DNAJC11: variants seen among roughly 807,000 people sequenced by gnomAD.
DNAJC11 encodes the protein DnaJ heat shock protein family (Hsp40) member C11.
A neutral mutation model predicts 78.6 loss-of-function variants in DNAJC11; 15 were observed. That is an observed-to-expected ratio of 0.19 (90% CI 0.13 to 0.29). The LOEUF (loss-of-function observed/expected upper bound fraction) is 0.29. Among genes scored for constraint, DNAJC11 ranks in the 10% least tolerant of loss-of-function variants. DNAJC11 has a pLI of 1.00. For synonymous variants in DNAJC11, 292 were observed against 272.1 expected, an observed-to-expected ratio of 1.07 and a Z score of -0.72; for missense variants, 547 against 709.6, an observed-to-expected ratio of 0.77 and a Z score of 2.60.
intron 1 of DNAJC11, among the ~76,000 whole-genome samples, chr1:6,683,695 C>G (rs1642589787): frequency 6.6e-6 from 1 of 152,214 alleles, no homozygotes; most frequent in South Asian, 2.1e-4. Context: ...TGGAACAATT[C>G]AGAGGGCACC....
At chr1:6,669,342 T>C (rs1642340799) in intron 3 of DNAJC11, among the ~76,000 whole-genome samples, 1 of 149,674 alleles carries the variant, frequency 6.7e-6, no homozygotes, top group African/African-American at 2.5e-5. Context: ...AAACCCTGTC[T>C]CTACTAAAAA....
At chr1:6,695,761 T>C (rs965749879) in intron 1 of DNAJC11, among the ~76,000 whole-genome samples, 45 of 151,096 alleles carry the variant, frequency 3.0e-4, no homozygotes, top group African/African-American at 1.0e-3. Context: ...TGAGCTGAGA[T>C]TGCGCCATTG....
chr1:6,679,706 C>G (rs1642525939), intron 2 of DNAJC11, among the ~76,000 whole-genome samples: 1 of 152,210 alleles, frequency 6.6e-6, no homozygotes. Flanking sequence ...ACCTGAGTCT[C>G]CCTTTAAGCT....
At chr1:6,669,352 AT>A (rs1196068994) in intron 3 of DNAJC11, among the ~76,000 whole-genome samples, 1 of 151,050 alleles carries the variant, frequency 6.6e-6, no homozygotes, top group Non-Finnish European at 1.5e-5. Context: ...TCTACTAAAA[AT>A]ACAAAACATT....
chr1:6,649,079 A>G (rs1642012529), intron 7 of DNAJC11, among the ~76,000 whole-genome samples: 2 of 151,464 alleles, frequency 1.3e-5, no homozygotes, highest in South Asian at 4.2e-4. Context: ...TGCAGCCTCA[A>G]CCTCCCGGGT....
intron 4 of DNAJC11, among the ~76,000 whole-genome samples, chr1:6,664,302 C>T (rs529971582): frequency 1.3e-5 from 2 of 150,192 alleles, no homozygotes; most frequent in Admixed American, 6.6e-5. Context: ...TGCAGTGGTG[C>T]GATCTCAGCT....
At chr1:6,663,826 A>C (rs1419182363) in intron 4 of DNAJC11, among the ~76,000 whole-genome samples, 1 of 152,240 alleles carries the variant, frequency 6.6e-6, no homozygotes, top group African/African-American at 2.4e-5. Context: ...AGAGCTAAGG[A>C]CTGTGGGGTC....
At chr1:6,667,611 AC>A (rs1450421219) in intron 4 of DNAJC11, 97 bp downstream of exon 4, 1 of 991,580 alleles carries the variant, frequency 1.0e-6, no homozygotes, top group East Asian at 2.5e-5. Context: ...GTATGTTTTT[AC>A]TTTAACAATC....
chr1:6,667,634 C>T, intron 4 of DNAJC11, 75 bp downstream of exon 4: 1 of 1,223,648 alleles, frequency 8.2e-7, no homozygotes, highest in Non-Finnish European at 1.2e-6. Flanking sequence ...ACCAGCACCT[C>T]ATTATTTCAG....
intron 14 of DNAJC11, among the ~76,000 whole-genome samples, chr1:6,636,498 C>T (rs1295214531): frequency 1.3e-5 from 2 of 152,230 alleles, no homozygotes; most frequent in Non-Finnish European, 2.9e-5. Context: ...CTGGCCTGAG[C>T]TAACCTGCAT....
At position 6,635,002 on chromosome 1, in the gene DNAJC11, C is replaced by T. The variant is rs1039775078; in HGVS notation, c.*673G>A. The T allele has an allele frequency of 6.8e-6, 4 of 588,072 alleles. No homozygotes were observed. Among genetic ancestry groups the T allele is most frequent in the Non-Finnish European group, 7.4e-6 (3 of 406,300 alleles). The allele number at this position is 588,072 out of a possible 1,614,324, so 36.4% of individuals were successfully genotyped here. On this transcript the variant is annotated 3_prime_UTR_variant, in exon 16 of 16. Transcript: ENST00000377577. ...ATACGGGAAGCCACCTGTGTCAGGGCTAGGCCCTGGGATCGGGAGTTACAC... is the reference window on the plus strand; with the variant it reads ...ATACGGGAAGCCACCTGTGTCAGGGTTAGGCCCTGGGATCGGGAGTTACAC...
rs1392140584 is a variant in DNAJC11, at chr1:6,680,952, G to A, written c.158C>T (p.Ser53Leu). Residue 53 changes from serine (S) to leucine (L), a missense_variant, in exon 2 of 16, where the codon TCA (serine) becomes TTA (leucine). By Grantham distance (145) the Ser-to-Leu change is moderately radical. Coordinates refer to ENST00000377577, the MANE Select transcript of DNAJC11 (RefSeq NM_018198.4). This position sits in a 1 kb window ranked among gnomAD's most constrained non-coding sequence, Gnocchi z 4.0. ...PDKHRDPELK[S>L]QAERLFNLVH... ...AAGGTTAAACAGTCGTTCCGCCTGT[G>A]ACTTGAGCTCTGGGTCTCTGTGCTT... 6.2e-7 allele frequency: 1 copy of A among 1,614,008 alleles called. No individual in the cohort carries two copies. Among genetic ancestry groups the A allele is most frequent in the Non-Finnish European group, 8.5e-7 (1 of 1,180,018 alleles).
intron 3 of DNAJC11, among the ~76,000 whole-genome samples, chr1:6,678,190 A>G (rs1016713211): frequency 1.3e-5 from 2 of 152,224 alleles, no homozygotes; most frequent in African/African-American, 2.4e-5. Flanking sequence ...AAGTCAGATG[A>G]GTGGCTGGCC....
chr1:6,678,261 A>G, intron 3 of DNAJC11, 133 bp downstream of exon 3: 2 of 987,552 alleles, frequency 2.0e-6, no homozygotes, highest in Non-Finnish European at 3.2e-6. Flanking sequence ...AAACAAAAAT[A>G]CAGGGCAAGG....
rs1473028734 is a variant in DNAJC11 at position 6,640,045 on chromosome 1, G to A, written c.1110C>T (p.Ala370=). The part of the protein sequence containing the change: ...GVSLKVKLNR[A]SQTYFFPIHL... ...GAATAGGGAAGAAGTATGTCTGACT[G>A]GCCCTGTTGAGCCTGGGGAAAAATA... The change falls in exon 11 of 16, where the codon GCC becomes GCT. Residue 370 remains alanine, a synonymous_variant. Coordinates refer to ENST00000377577, the MANE Select transcript of DNAJC11 (RefSeq NM_018198.4). 1.9e-6 allele frequency: 3 copies of A among 1,586,018 alleles called. No individual in the cohort carries two copies. Among genetic ancestry groups the A allele is most frequent in the South Asian group, 2.3e-5 (2 of 85,824 alleles).
At chr1:6,648,186 G>A (rs12137032) in intron 7 of DNAJC11, among the ~76,000 whole-genome samples, 44,681 of 151,740 alleles carry the variant, frequency 0.29, 7,198 homozygotes, top group South Asian at 0.47. Context: ...ACAGAGTCTC[G>A]GCTCTGTCGC....
At chr1:6,655,473 C>T (rs1167114102) in intron 4 of DNAJC11, among the ~76,000 whole-genome samples, 1 of 152,146 alleles carries the variant, frequency 6.6e-6, no homozygotes, top group Non-Finnish European at 1.5e-5. Context: ...ACAGCATGAA[C>T]ACATCTCTGT....
In DNAJC11 at chr1:6,645,987, A is replaced by T; in HGVS notation, c.705-9T>A. On this transcript the variant is annotated splice_polypyrimidine_tract_variant and intron_variant, in intron 7 of 15. Coordinates refer to ENST00000377577, the MANE Select transcript of DNAJC11 (RefSeq NM_018198.4). The surrounding 1 kb of genome is among the most constrained non-coding windows in gnomAD (Gnocchi z 4.1). ...AGTTTGTTGTCACAAAGCTGGAGAG[A>T]CACAGAGACAGAATAGGTCCTGGAT... The T allele has an allele frequency of 1.2e-6, 2 of 1,613,712 alleles. No individual in the cohort carries two copies. Among genetic ancestry groups the T allele is most frequent in the Non-Finnish European group, 1.7e-6 (2 of 1,179,742 alleles).
At chr1:6,671,624 T>C (rs1193160056) in intron 3 of DNAJC11, among the ~76,000 whole-genome samples, 7 of 145,354 alleles carry the variant, frequency 4.8e-5, no homozygotes, top group Admixed American at 1.4e-4. Flanking sequence ...CTCCGCCTCA[T>C]GGGTTCATGC....
Sources: allele counts gnomAD v4.1 joint callset (sites outside exome capture counted in the v4.1 genomes callset), GRCh38; gene constraint gnomAD v4.1.1; non-coding constraint Gnocchi (gnomAD v3.1); transcripts MANE v1.5; gene names NCBI Gene and HGNC (gene_info 2026-07-23, HGNC 2026-07-21).